MAP2: variants seen among roughly 807,000 people sequenced by gnomAD.
The protein encoded by MAP2 is microtubule associated protein 2, also known as microtubule-associated protein 2.
MAP2 carries 14 observed loss-of-function variants against 137.6 expected under a neutral mutation model. The observed-to-expected ratio is 0.10, with a 90% CI of 0.07 to 0.16. MAP2 has a LOEUF of 0.16. Ranked by LOEUF, MAP2 falls within the 10% of genes least tolerant of loss-of-function variation. The probability of loss-of-function intolerance (pLI) is 1.00; values close to 1 mark genes in which losing one functional copy is unlikely to be tolerated. For synonymous variants in MAP2, 786 were observed against 782.3 expected (o/e 1.00, Z -0.08); for missense variants, 2,088 against 2,191.5 (o/e 0.95, Z 0.94).
At chr2:209,564,023 C>T (rs16843111) in intron 2 of MAP2, among the ~76,000 whole-genome samples, 3,004 of 152,228 alleles carry the variant, frequency 0.02, 97 homozygotes, top group African/African-American at 0.068. Flanking sequence ...TCATTCATCT[C>T]TCAACAGTCA....
intron 1 of MAP2, among the ~76,000 whole-genome samples, chr2:209,488,703 G>T (rs1305509070): frequency 6.6e-6 from 1 of 152,182 alleles, no homozygotes; most frequent in African/African-American, 2.4e-5. Context: ...CCACCACAGT[G>T]CCAAAAAGCC....
In MAP2 at chr2:209,581,929, A is replaced by G. The variant is rs528276247; in HGVS notation, c.-107+1829A>G. Among the ~76,000 whole-genome samples, 19 of 152,232 alleles carry G rather than the reference A, an allele frequency of 1.2e-4. No homozygotes were observed. In the East Asian group the frequency reaches 3.7e-3, roughly 29 times the overall value. The stretch of plus-strand genomic sequence containing the variant: ...GCTGACAAAATGCATATAATAAAAA[A>G]TGAGTTTATTAAAATAGTAGGTTGG... On this transcript the variant is annotated intron_variant, in intron 3 of 15. Transcript: ENST00000682079.
intron 2 of MAP2, among the ~76,000 whole-genome samples, chr2:209,529,006 T>C (rs932401994): frequency 1.3e-5 from 2 of 151,904 alleles, no homozygotes; most frequent in Non-Finnish European, 2.9e-5. Context: ...ATATCTAGCC[T>C]TTTTCTCTGG....
At chr2:209,726,615 A>G (rs951575656) in intron 14 of MAP2, among the ~76,000 whole-genome samples, 4 of 152,164 alleles carry the variant, frequency 2.6e-5, no homozygotes, top group African/African-American at 9.7e-5. Context: ...AAAAATAAAA[A>G]TAAGCCGATA....
At chr2:209,710,500 T>G (rs2065063261) in intron 13 of MAP2, 1 of 449,468 alleles carries the variant, frequency 2.2e-6, no homozygotes. Context: ...GTTGATTGAC[T>G]AACTTTTTTT....
intron 1 of MAP2, among the ~76,000 whole-genome samples, chr2:209,466,034 T>C (rs1383235213): frequency 6.6e-6 from 1 of 152,146 alleles, no homozygotes; most frequent in Non-Finnish European, 1.5e-5. Flanking sequence ...AAAGCTGTCA[T>C]TGAATGTATG....
At chr2:209,468,615 C>T (rs767708141) in intron 1 of MAP2, among the ~76,000 whole-genome samples, 1 of 152,096 alleles carries the variant, frequency 6.6e-6, no homozygotes, top group Non-Finnish European at 1.5e-5. Context: ...CCACCGCGCC[C>T]GGCCTCAGTT....
At chr2:209,500,188 A>G (rs940849373) in intron 1 of MAP2, among the ~76,000 whole-genome samples, 3 of 152,216 alleles carry the variant, frequency 2.0e-5, no homozygotes, top group Non-Finnish European at 4.4e-5. Context: ...TAATTATGCC[A>G]TTCTTGAATT....
intron 1 of MAP2, among the ~76,000 whole-genome samples, chr2:209,492,788 A>AT (rs2059283380): frequency 6.6e-6 from 1 of 152,194 alleles, no homozygotes; most frequent in South Asian, 2.1e-4. Flanking sequence ...GAAATAGGAG[A>AT]GGACACACAC....
At chr2:209,550,494 C>T (rs752609734) in intron 2 of MAP2, among the ~76,000 whole-genome samples, 6 of 152,090 alleles carry the variant, frequency 3.9e-5, no homozygotes, top group Non-Finnish European at 7.4e-5. Context: ...CAAAATTGAA[C>T]TCTAATTCCT....
At chr2:209,679,088 T>A (rs770232952) in intron 6 of MAP2, among the ~76,000 whole-genome samples, 26 of 152,116 alleles carry the variant, frequency 1.7e-4, no homozygotes, top group Non-Finnish European at 3.2e-4. Context: ...ACTGTAGCCT[T>A]GTTTGGGTCT....
At chr2:209,709,265 C>G (rs16843554) in intron 12 of MAP2, among the ~76,000 whole-genome samples, 3,953 of 150,646 alleles carry the variant, frequency 0.026, 168 homozygotes, top group African/African-American at 0.094. Context: ...AGGCAAGAAA[C>G]AGACTTTTTT....
At chr2:209,723,927 T>C (rs2072660260) in intron 13 of MAP2, among the ~76,000 whole-genome samples, 1 of 152,208 alleles carries the variant, frequency 6.6e-6, no homozygotes, top group Admixed American at 6.5e-5. Context: ...CTTGATGGGA[T>C]GCACCATGGT....
chr2:209,501,317 G>A (rs1330155730), intron 1 of MAP2, among the ~76,000 whole-genome samples: 2 of 152,118 alleles, frequency 1.3e-5, no homozygotes, highest in Non-Finnish European at 2.9e-5. Flanking sequence ...GCTAAAAGAT[G>A]TCTGCTATTT....
chr2:209,574,993 A>G (rs1301566994), intron 2 of MAP2, among the ~76,000 whole-genome samples: 1 of 152,236 alleles, frequency 6.6e-6, no homozygotes, highest in Non-Finnish European at 1.5e-5. Context: ...TATTTTGGCC[A>G]TGAGGCAGCA....
At chr2:209,468,646 A>G (rs1214848570) in intron 1 of MAP2, among the ~76,000 whole-genome samples, 1 of 152,138 alleles carries the variant, frequency 6.6e-6, no homozygotes, top group Non-Finnish European at 1.5e-5. Context: ...TTAAGCACAC[A>G]AAGTCTTACG....
chr2:209,466,604 G>T (rs1704176946), intron 1 of MAP2, among the ~76,000 whole-genome samples: 1 of 152,132 alleles, frequency 6.6e-6, no homozygotes, highest in Non-Finnish European at 1.5e-5. Flanking sequence ...AAAGAAAGTA[G>T]AACTTTGAAT....
intron 5 of MAP2, among the ~76,000 whole-genome samples, chr2:209,662,851 A>G (rs2044313820): frequency 6.6e-6 from 1 of 152,140 alleles, no homozygotes; most frequent in Non-Finnish European, 1.5e-5. Context: ...AGAAAAAGAA[A>G]AAAAAGATAA....
chr2:209,659,076 A>T (rs1364564603), intron 5 of MAP2, among the ~76,000 whole-genome samples: 1 of 152,232 alleles, frequency 6.6e-6, no homozygotes, highest in Admixed American at 6.5e-5. Flanking sequence ...TTACACAGTA[A>T]GAAAGTGAGA....
Sources: allele counts gnomAD v4.1 joint callset (sites outside exome capture counted in the v4.1 genomes callset), GRCh38; gene constraint gnomAD v4.1.1; transcripts MANE v1.5; gene names NCBI Gene and HGNC (gene_info 2026-07-23, HGNC 2026-07-21).